ANK1: variants seen among roughly 807,000 people sequenced by gnomAD.
ANK1 encodes the protein ankyrin-1.
Under a neutral mutation model 210.4 loss-of-function variants are expected in ANK1, and 51 were observed. The observed-to-expected ratio is 0.24, with a 90% CI of 0.19 to 0.31. ANK1 has a LOEUF of 0.31. Among genes scored for constraint, ANK1 ranks in the 10% least tolerant of loss-of-function variants. The pLI, the probability that ANK1 is intolerant of heterozygous loss-of-function variation, is 1.00. For synonymous variants in ANK1, 967 were observed against 1,025.9 expected (o/e 0.94, Z 1.10); for missense variants, 2,051 against 2,504.4 (o/e 0.82, Z 3.86).
intron 1 of ANK1, among the ~76,000 whole-genome samples, chr8:41,854,632 T>A (rs1230257725): frequency 1.3e-5 from 2 of 152,106 alleles, no homozygotes; most frequent in Admixed American, 6.6e-5. Flanking sequence ...TGGCCCCAGA[T>A]GGGAGTATTT....
chr8:41,713,731 G>A (rs1188703824), intron 16 of ANK1, among the ~76,000 whole-genome samples: 3 of 152,222 alleles, frequency 2.0e-5, no homozygotes, highest in Non-Finnish European at 4.4e-5. Context: ...CATGCAGAGA[G>A]TAGGTTAAAA....
chr8:41,777,261 A>G (rs1392411107), intron 1 of ANK1, among the ~76,000 whole-genome samples: 1 of 152,116 alleles, frequency 6.6e-6, no homozygotes, highest in African/African-American at 2.4e-5. Flanking sequence ...CCCCTCTTAA[A>G]GCCTTGGCTT....
intron 1 of ANK1, among the ~76,000 whole-genome samples, chr8:41,858,924 A>T (rs1240054427): frequency 1.3e-5 from 2 of 152,176 alleles, no homozygotes; most frequent in Non-Finnish European, 2.9e-5. Context: ...GGCTCTGAGA[A>T]TGGAGGGACT....
chr8:41,782,557 C>T (rs979853208), intron 1 of ANK1, among the ~76,000 whole-genome samples: 1 of 152,166 alleles, frequency 6.6e-6, no homozygotes, highest in South Asian at 2.1e-4. Flanking sequence ...TTCCCCTAAA[C>T]ATTGTAGAGC....
At chr8:41,713,016 G>A (rs1364766720) in intron 16 of ANK1, among the ~76,000 whole-genome samples, 6 of 152,174 alleles carry the variant, frequency 3.9e-5, no homozygotes, top group Non-Finnish European at 7.3e-5. Flanking sequence ...GTAGAAGAGC[G>A]ATGCTGCAAG....
rs780698924 is a variant in ANK1 at position 41,727,964 on chromosome 8, C to G, written c.271G>C (p.Asp91His). Reference sequence around the variant, plus strand: ...TTGACAAGCTCCCGGACCACCTCATCCTGCCCGGCTAGAGCAGCGATGTGC... The same window carrying G: ...TTGACAAGCTCCCGGACCACCTCATGCTGCCCGGCTAGAGCAGCGATGTGC... ...ALHIAALAGQ[D>H]EVVRELVNYG... The change falls in exon 4 of 43, where the codon GAT (aspartate) becomes CAT (histidine). Residue 91 changes from aspartate to histidine, a missense_variant. Physicochemically the swap from Asp to His is moderately conservative, Grantham distance 81. Around this residue, in one of 6 missense-constraint regions of ANK1, gnomAD observed 72 missense variants for 133.5 expected, o/e 0.54. Transcript: ENST00000289734. 6.2e-7 allele frequency: 1 copy of G among 1,614,068 alleles called. No homozygotes were observed. Among genetic ancestry groups the G allele is most frequent in the African/African-American group, 1.3e-5 (1 of 74,930 alleles).
chr8:41,701,386 G>A (rs1426024100), intron 22 of ANK1, among the ~76,000 whole-genome samples, 164 bp downstream of exon 22: 1 of 152,138 alleles, frequency 6.6e-6, no homozygotes, highest in African/African-American at 2.4e-5. Flanking sequence ...ATTTTTGATA[G>A]TAGACAACAG....
At chr8:41,892,794 C>T (rs1233024136) in intron 1 of ANK1, among the ~76,000 whole-genome samples, 2 of 152,184 alleles carry the variant, frequency 1.3e-5, no homozygotes, top group African/African-American at 2.4e-5. Context: ...TATATTAATT[C>T]ACTCATTCAA....
chr8:41,769,394 T>C (rs570740804), intron 1 of ANK1, among the ~76,000 whole-genome samples: 3 of 152,318 alleles, frequency 2.0e-5, no homozygotes, highest in African/African-American at 7.2e-5. Context: ...TAGAATCCTC[T>C]ACACAGAGAA....
intron 1 of ANK1, among the ~76,000 whole-genome samples, chr8:41,894,061 C>T (rs1819968724): frequency 6.6e-6 from 1 of 152,062 alleles, no homozygotes; most frequent in South Asian, 2.1e-4. Flanking sequence ...TAACTCTATT[C>T]TCTGAGATGA....
intron 14 of ANK1, among the ~76,000 whole-genome samples, 170 bp from the exon 15 acceptor site, chr8:41,715,244 G>A (rs947190541): frequency 6.6e-6 from 1 of 152,196 alleles, no homozygotes; most frequent in Non-Finnish European, 1.5e-5. Flanking sequence ...GACTTGGCAG[G>A]CATCCCTGCA....
At chr8:41,714,849 G>A (rs1200249970) in intron 15 of ANK1, 127 bp downstream of exon 15, 4 of 988,366 alleles carry the variant, frequency 4.0e-6, no homozygotes, top group Non-Finnish European at 6.3e-6. Context: ...AACAGAGCGA[G>A]ACCCTGTCTC....
At chr8:41,775,079 C>A (rs1232163698) in intron 1 of ANK1, among the ~76,000 whole-genome samples, 5 of 151,788 alleles carry the variant, frequency 3.3e-5, no homozygotes, top group African/African-American at 4.8e-5. Flanking sequence ...TTTCAAGTTG[C>A]CAAACAGGCT....
intron 16 of ANK1, among the ~76,000 whole-genome samples, chr8:41,713,746 G>C (rs1826823370): frequency 6.6e-6 from 1 of 152,212 alleles, no homozygotes; most frequent in South Asian, 2.1e-4. Flanking sequence ...TTAAAAATGA[G>C]GCTTCCAGGC....
chr8:41,757,074 A>G (rs2150711530), intron 2 of ANK1, among the ~76,000 whole-genome samples: 1 of 152,310 alleles, frequency 6.6e-6, no homozygotes, highest in South Asian at 2.1e-4. Context: ...AAGAGAACAG[A>G]GTTTCAGTTT....
At position 41,876,348 on chromosome 8, in the gene ANK1, G is replaced by A. The variant is rs148920213; in HGVS notation, c.126+20007C>T. On this transcript the variant is annotated intron_variant, in intron 1 of 42. Coordinates refer to the ANK1 transcript ENST00000265709. ...GCCTTGTCCCCACCCAGGTTCTCTG[G>A]CCGCGACTCAGCAGCGGCGCCTCGC... 7.5e-4 allele frequency among the ~76,000 whole-genome samples: 114 copies of A among 152,308 alleles called. 2 individuals carry two copies. In the East Asian group the frequency reaches 0.021, roughly 28 times the overall value.
intron 39 of ANK1, chr8:41,664,766 C>T (rs1218263126): frequency 7.7e-6 from 12 of 1,564,288 alleles, no homozygotes; most frequent in Non-Finnish European, 1.0e-5. Flanking sequence ...CTCCGGCGCC[C>T]ACACCACCAG....
intron 33 of ANK1, 90 bp downstream of exon 33, chr8:41,690,137 C>A: frequency 2.5e-6 from 4 of 1,584,960 alleles, no homozygotes; most frequent in Non-Finnish European, 3.5e-6. Context: ...AGGAAGAAGC[C>A]CCTTGGAAGT....
intron 1 of ANK1, among the ~76,000 whole-genome samples, chr8:41,784,670 T>C (rs1400753798): frequency 6.6e-6 from 1 of 152,236 alleles, no homozygotes; most frequent in Admixed American, 6.5e-5. Context: ...ATATTTTTCA[T>C]ATGCACTTGG....
Sources: gnomAD v4.1 joint callset for allele counts (sites outside exome capture counted in the v4.1 genomes callset) on GRCh38, gnomAD v4.1.1 for gene constraint, gnomAD v4.1.1 regional missense constraint, MANE v1.5 for transcripts, NCBI Gene and HGNC (gene_info 2026-07-23, HGNC 2026-07-21) for gene names.